FREM2: variants seen among roughly 807,000 people sequenced by gnomAD.
FREM2 encodes the protein FRAS1 related extracellular matrix 2.
In FREM2, 119 loss-of-function variants were observed where a neutral mutation model predicts 219.9. That is an observed-to-expected ratio of 0.54 (90% confidence interval 0.47 to 0.63). The LOEUF is 0.63. FREM2 is among the 30% of genes least tolerant of loss of function. The pLI is 0.00. For missense variants in FREM2, 4,030 were observed against 3,993.6 expected, an observed-to-expected ratio of 1.01 and a Z score of -0.25; for synonymous variants, 1,562 against 1,522.8, an observed-to-expected ratio of 1.03 and a Z score of -0.60.
chr13:38,759,449 C>T (rs573777128), intron 2 of FREM2, among the ~76,000 whole-genome samples: 22 of 130,474 alleles, frequency 1.7e-4, no homozygotes, highest in Non-Finnish European at 3.3e-4. Context: ...CTTTGTTATT[C>T]TAAAAAAAAA....
intron 4 of FREM2, among the ~76,000 whole-genome samples, chr13:38,776,832 C>A (rs1873887326): frequency 2.6e-5 from 4 of 151,010 alleles, no homozygotes; most frequent in Non-Finnish European, 4.4e-5. Context: ...TTCAAAAAGT[C>A]ATTTGCAGCC....
intron 17 of FREM2, 144 bp from the exon 18 acceptor site, chr13:38,874,338 C>G: frequency 1.4e-6 from 1 of 694,004 alleles, no homozygotes; most frequent in East Asian, 2.7e-5. Context: ...ACTTCTGCCT[C>G]TGTTATTCAG....
chr13:38,704,157 T>G (rs1870445697), intron 2 of FREM2, among the ~76,000 whole-genome samples: 1 of 152,200 alleles, frequency 6.6e-6, no homozygotes, highest in Non-Finnish European at 1.5e-5. Context: ...ATGGTGAATC[T>G]TATTGGCTAA....
chr13:38,825,399 A>G (rs1876241290), intron 6 of FREM2, among the ~76,000 whole-genome samples: 1 of 151,908 alleles, frequency 6.6e-6, no homozygotes, highest in African/African-American at 2.4e-5. Flanking sequence ...ATAATATACA[A>G]AAAAATTAAC....
intron 6 of FREM2, among the ~76,000 whole-genome samples, chr13:38,805,487 C>T (rs947206539): frequency 2.0e-5 from 3 of 151,922 alleles, no homozygotes; most frequent in Non-Finnish European, 2.9e-5. Flanking sequence ...ATAGAGCTAC[C>T]TGCAGGGCAT....
At chr13:38,694,469 C>A (rs1354654426) in intron 1 of FREM2, among the ~76,000 whole-genome samples, 1 of 152,158 alleles carries the variant, frequency 6.6e-6, no homozygotes, top group African/African-American at 2.4e-5. Context: ...GAGAAAGCGC[C>A]ATCAGAAAGC....
At chr13:38,790,409 G>A (rs1337462754) in intron 6 of FREM2, among the ~76,000 whole-genome samples, 2 of 151,644 alleles carry the variant, frequency 1.3e-5, no homozygotes, top group East Asian at 1.9e-4. Flanking sequence ...TTACTTTATT[G>A]TAAAACCTCC....
chr13:38,764,473 GT>G (rs753052920), intron 3 of FREM2, 23 bp downstream of exon 3: 1 of 1,351,188 alleles, frequency 7.4e-7, no homozygotes, highest in Non-Finnish European at 1.0e-6. Context: ...TTTTATTTCT[GT>G]TTTAAAATTT....
intron 2 of FREM2, among the ~76,000 whole-genome samples, chr13:38,746,140 C>G (rs1872470497): frequency 6.6e-6 from 1 of 152,130 alleles, no homozygotes. Context: ...TTCATCTGTC[C>G]TAAATTGGTC....
At position 38,865,705 on chromosome 13, in the gene FREM2, T is replaced by C. The variant is rs976382567; in HGVS notation, c.7983+1099T>C. Among the ~76,000 whole-genome samples the C allele has an allele frequency of 2.6e-5, 4 of 152,170 alleles. No homozygotes were observed. In the East Asian group the frequency reaches 5.8e-4, roughly 22 times the overall value. On this transcript the variant is annotated intron_variant, in intron 16 of 23. Transcript: ENST00000280481. ...GTGAGACATGACCATAGCCACCTTG[T>C]CAAAAAGCAGCAACATTTAGTAACT...
At chr13:38,723,124 G>A (rs1237227051) in intron 2 of FREM2, among the ~76,000 whole-genome samples, 1 of 151,976 alleles carries the variant, frequency 6.6e-6, no homozygotes, top group Non-Finnish European at 1.5e-5. Context: ...AATCCCAGCT[G>A]CTTGGGAGGC....
chr13:38,864,750 A>G, intron 16 of FREM2, 144 bp downstream of exon 16: 1 of 734,274 alleles, frequency 1.4e-6, no homozygotes, highest in Non-Finnish European at 2.4e-6. Flanking sequence ...GACAACTGGC[A>G]TGGATGGTGT....
chr13:38,784,849 A>G lies in FREM2; in HGVS notation c.6019+41A>G. On this transcript the variant is annotated intron_variant, in intron 6 of 23. Coordinates refer to ENST00000280481, the MANE Select transcript of FREM2 (RefSeq NM_207361.6). ...CTTGAAAATTCTTTTTCCCGGGAAG[A>G]TCAACATCAGGAACAACTTTCTAGA... 1.9e-6 allele frequency: 3 copies of G among 1,607,280 alleles called. No individual in the cohort carries two copies. The South Asian group carries it at 3.3e-5, about 18-fold the overall frequency.
At chr13:38,863,354 T>A (rs958953450) in intron 15 of FREM2, among the ~76,000 whole-genome samples, 6 of 152,152 alleles carry the variant, frequency 3.9e-5, no homozygotes, top group Non-Finnish European at 8.8e-5. Context: ...ATGGCCAGTT[T>A]TCAACATTTA....
chr13:38,718,859 C>G lies in FREM2; in HGVS notation c.5263+21072C>G, dbSNP rs74861938. Among the ~76,000 whole-genome samples, 11 of 152,258 alleles carry G rather than the reference C, an allele frequency of 7.2e-5. No individual in the cohort carries two copies. In the East Asian group the frequency reaches 2.1e-3, roughly 29 times the overall value. ...ACTTCATATGTGACACAAACTTTACCCTGGTCACTCATTTGATTATTACAG... is the reference window on the plus strand; with the variant it reads ...ACTTCATATGTGACACAAACTTTACGCTGGTCACTCATTTGATTATTACAG... On this transcript the variant is annotated intron_variant, in intron 2 of 23. Transcript: ENST00000280481.
At chr13:38,869,485 T>C (rs1470530223) in intron 16 of FREM2, among the ~76,000 whole-genome samples, 2 of 152,176 alleles carry the variant, frequency 1.3e-5, no homozygotes, top group Non-Finnish European at 2.9e-5. Flanking sequence ...CAAGTACTCA[T>C]GAGGACACCA....
intron 1 of FREM2, among the ~76,000 whole-genome samples, chr13:38,696,810 C>CTTT (rs71694503): frequency 3.5e-5 from 5 of 143,706 alleles, no homozygotes; most frequent in Admixed American, 7.0e-5. Context: ...AAGGTTTCCA[C>CTTT]TTTTTTTTTT....
At chr13:38,755,583 A>G (rs773252242) in intron 2 of FREM2, among the ~76,000 whole-genome samples, 5 of 152,144 alleles carry the variant, frequency 3.3e-5, no homozygotes, top group Admixed American at 6.5e-5. Flanking sequence ...TTGAATCCCT[A>G]CACTCAGATG....
At chr13:38,879,994 T>G (rs1295351051) in intron 23 of FREM2, among the ~76,000 whole-genome samples, 1 of 152,230 alleles carries the variant, frequency 6.6e-6, no homozygotes, top group Non-Finnish European at 1.5e-5. Context: ...TTACTCATTT[T>G]TTTAGTGAAT....
Sources: allele counts gnomAD v4.1 joint callset (sites outside exome capture counted in the v4.1 genomes callset), GRCh38; gene constraint gnomAD v4.1.1; transcripts MANE v1.5; gene names NCBI Gene and HGNC (gene_info 2026-07-23, HGNC 2026-07-21).